Variants in WDR59 observed in about 807,000 individuals in gnomAD.
WDR59 encodes WD repeat domain 59, also known as GATOR2 complex protein WDR59.
WDR59 carries 100 observed loss-of-function variants against 131.2 expected under a neutral mutation model. That is an observed-to-expected ratio of 0.76 (90% CI 0.65 to 0.90). The LOEUF is 0.90. Ranked by LOEUF, WDR59 falls within the 40% of genes least tolerant of loss-of-function variation. The pLI is 0.00. For synonymous variants in WDR59, 601 were observed against 466.2 expected, an observed-to-expected ratio of 1.29 and a Z score of -3.72; for missense variants, 1,203 against 1,262.2, an observed-to-expected ratio of 0.95 and a Z score of 0.71.
At chr16:74,920,433 G>A (rs1474118314) in intron 10 of WDR59, among the ~76,000 whole-genome samples, 2 of 151,960 alleles carry the variant, frequency 1.3e-5, no homozygotes, top group Non-Finnish European at 2.9e-5. Context: ...AGACTGTCTC[G>A]ATCTGTCTCC....
chr16:74,983,191 G>T (rs1401780451), intron 1 of WDR59, among the ~76,000 whole-genome samples: 1 of 152,012 alleles, frequency 6.6e-6, no homozygotes, highest in East Asian at 1.9e-4. Flanking sequence ...AAAAATAATA[G>T]GCCAGGTGTA....
Position 74,918,193 on chromosome 16 carries a change from T to C in WDR59, c.887-185A>G, listed in dbSNP as rs149880556. Among the ~76,000 whole-genome samples the C allele has an allele frequency of 1.6e-3, 248 of 152,296 alleles. 1 individual carries two copies. Among genetic ancestry groups the C allele is most frequent in the African/African-American group, 5.6e-3 (234 of 41,558 alleles). ...ATAAAATAATTTCTATCTTTATAGATCTCGCATTCCAGTGGTAGAAAGAGA... is the reference window on the plus strand; with the variant it reads ...ATAAAATAATTTCTATCTTTATAGACCTCGCATTCCAGTGGTAGAAAGAGA... On this transcript the variant is annotated intron_variant, in intron 10 of 25. Coordinates refer to ENST00000262144, the MANE Select transcript of WDR59 (RefSeq NM_030581.4).
chr16:74,956,505 A>G lies in WDR59; in HGVS notation c.210T>C (p.His70=), dbSNP rs1002009153. ...CCGCAAAATAGTGTGCAAAGCTGTC[A>G]TGAGGATTCCACTGCACAGCTCCAA... ...WDIGAVQWNP[H]DSFAHYFAAS... is the part of the protein sequence containing the mutation. The change falls in exon 3 of 26, where the codon CAT becomes CAC. Residue 70 remains histidine (H), a synonymous_variant. Coordinates refer to ENST00000262144, the MANE Select transcript of WDR59 (RefSeq NM_030581.4). 1.4e-5 allele frequency: 23 copies of G among 1,613,996 alleles called. No homozygotes were observed. The highest frequency in any genetic ancestry group is 1.9e-5 in the Non-Finnish European group (22 of 1,180,034).
intron 20 of WDR59, among the ~76,000 whole-genome samples, chr16:74,890,112 G>C (rs1170053299): frequency 2.0e-5 from 3 of 152,296 alleles, no homozygotes; most frequent in African/African-American, 7.2e-5. Flanking sequence ...AATAATTTCA[G>C]TGGGTCATCT....
At chr16:74,947,596 G>C (rs1287940439) in intron 6 of WDR59, among the ~76,000 whole-genome samples, 1 of 152,060 alleles carries the variant, frequency 6.6e-6, no homozygotes, top group Non-Finnish European at 1.5e-5. Flanking sequence ...CAAACAATTT[G>C]TAACTAAAAA....
At chr16:74,939,919 A>G (rs1011328388) in intron 7 of WDR59, among the ~76,000 whole-genome samples, 11 of 152,180 alleles carry the variant, frequency 7.2e-5, no homozygotes, top group Non-Finnish European at 1.3e-4. Flanking sequence ...CAGGAGTTTG[A>G]GGCTGCAGTG....
chr16:74,938,217 T>C lies in WDR59; in HGVS notation c.584A>G (p.His195Arg). ...EYLAAHLSKI[H>R]GLDWHPDSEH... is the part of the protein sequence containing the mutation. ...GCTGTCTGGGTGCCAGTCCAGGCCA[T>C]GGATTTTGGAGAGGTGGGCGGCTAG... The change falls in exon 8 of 26, where the codon CAT becomes CGT. Residue 195 changes from histidine to arginine, a missense_variant. Physicochemically the swap from His to Arg is conservative, Grantham distance 29 (BLOSUM62 0). Transcript: ENST00000262144. 3 of 1,567,752 alleles carry C rather than the reference T, an allele frequency of 1.9e-6. No individual in the cohort carries two copies. Among genetic ancestry groups the C allele is most frequent in the South Asian group, 1.2e-5 (1 of 85,098 alleles).
At chr16:74,980,167 C>G (rs2034345908) in intron 1 of WDR59, among the ~76,000 whole-genome samples, 1 of 149,174 alleles carries the variant, frequency 6.7e-6, no homozygotes, top group Non-Finnish European at 1.5e-5. Context: ...CCTAAGTTTT[C>G]TTATAGTGTT....
intron 6 of WDR59, 111 bp downstream of exon 6, chr16:74,948,408 G>A: frequency 9.8e-7 from 1 of 1,016,166 alleles, no homozygotes; most frequent in Non-Finnish European, 1.5e-6. Context: ...CCAGACAGAG[G>A]CAGTTAGAGA....
At chr16:74,905,114 G>A (rs531844376) in intron 17 of WDR59, among the ~76,000 whole-genome samples, 2 of 152,278 alleles carry the variant, frequency 1.3e-5, no homozygotes, top group South Asian at 2.1e-4. Flanking sequence ...GGTGGCTCAC[G>A]CCTATAATCC....
In WDR59 at chr16:74,910,803, G is replaced by A. The variant is rs368221812; in HGVS notation, c.1390-886C>T. On this transcript the variant is annotated intron_variant, in intron 14 of 25. Coordinates refer to ENST00000262144, the MANE Select transcript of WDR59 (RefSeq NM_030581.4). The stretch of plus-strand genomic sequence containing the variant: ...TTCCTTTGTTTTTTTGAGGAGTGTC[G>A]CTCTTACTGCCCAGGCTGGAGTGCA... Among the ~76,000 whole-genome samples, 13 of 151,994 alleles carry A rather than the reference G, an allele frequency of 8.6e-5. 1 individual carries two copies. Among genetic ancestry groups the A allele is most frequent in the Admixed American group, 2.0e-4 (3 of 15,272 alleles).
In WDR59 at chr16:74,968,307, G is replaced by A. The variant is rs143271371; in HGVS notation, c.55-2485C>T. ...GGTGAGAGATTCAACATGAAGATTCGCATTGCTGGCTGCAAAGACAGAAGG... is the reference window on the plus strand; with the variant it reads ...GGTGAGAGATTCAACATGAAGATTCACATTGCTGGCTGCAAAGACAGAAGG... On this transcript the variant is annotated intron_variant, in intron 1 of 25. Transcript: ENST00000262144. Among the ~76,000 whole-genome samples, 37 of 152,284 alleles carry A rather than the reference G, an allele frequency of 2.4e-4. No homozygotes were observed. The East Asian group carries it at 6.4e-3, about 26-fold the overall frequency.
At chr16:74,930,820 G>C (rs1379079053) in intron 8 of WDR59, 1 of 144,436 alleles carries the variant, frequency 6.9e-6, no homozygotes, top group African/African-American at 2.5e-5. Context: ...TTGAATCCAG[G>C]AGGAGGAGGT....
Position 74,956,494 on chromosome 16 carries a change from G to T in WDR59, c.221C>A (p.Ala74Glu), listed in dbSNP as rs1487915162. 1.2e-6 allele frequency: 2 copies of T among 1,613,858 alleles called. No individual in the cohort carries two copies. The highest frequency in any genetic ancestry group is 1.7e-6 in the Non-Finnish European group (2 of 1,179,952). The change falls in exon 3 of 26, where the codon GCA (alanine) becomes GAA (glutamate). Residue 74 changes from alanine (A) to glutamate (E), a missense_variant. By Grantham distance (107) the Ala-to-Glu change is moderately radical. Transcript: ENST00000262144. Reference protein sequence around the residue: ...AVQWNPHDSFAHYFAASSNQR... With the variant: ...AVQWNPHDSFEHYFAASSNQR... The stretch of plus-strand genomic sequence containing the variant: ...GCTCACCGAAGCCGCAAAATAGTGT[G>T]CAAAGCTGTCATGAGGATTCCACTG...
At chr16:74,984,357 C>T (rs771706741) in intron 1 of WDR59, among the ~76,000 whole-genome samples, 1 of 152,118 alleles carries the variant, frequency 6.6e-6, no homozygotes, top group Non-Finnish European at 1.5e-5. Context: ...CGACCATCTC[C>T]CTTCTACAGG....
intron 7 of WDR59, among the ~76,000 whole-genome samples, chr16:74,939,044 C>G (rs2032022497): frequency 1.3e-5 from 2 of 151,736 alleles, no homozygotes. Flanking sequence ...AGAAAATAAA[C>G]AGGCCGGGCA....
chr16:74,981,173 G>C (rs1480521080), intron 1 of WDR59, among the ~76,000 whole-genome samples: 1 of 151,542 alleles, frequency 6.6e-6, no homozygotes, highest in African/African-American at 2.4e-5. Context: ...AGACCATCCT[G>C]GCTAACACGG....
chr16:74,881,585 T>C (rs562542934), intron 25 of WDR59, among the ~76,000 whole-genome samples: 18 of 152,054 alleles, frequency 1.2e-4, no homozygotes, highest in African/African-American at 4.1e-4. Context: ...CAAATGAAAA[T>C]ACTTCTTGGC....
At chr16:74,876,170 A>C (rs1964202612) in intron 25 of WDR59, among the ~76,000 whole-genome samples, 1 of 152,146 alleles carries the variant, frequency 6.6e-6, no homozygotes, top group South Asian at 2.1e-4. Context: ...AGGCCAATAA[A>C]AACTCCTCTG....
Sources: allele counts gnomAD v4.1 joint callset (sites outside exome capture counted in the v4.1 genomes callset), GRCh38; gene constraint gnomAD v4.1.1; transcripts MANE v1.5; gene names NCBI Gene and HGNC (gene_info 2026-07-23, HGNC 2026-07-21).